The following AK5 variants were observed in gnomAD, a reference collection of about 807,000 sequenced individuals.
AK5 encodes the protein adenylate kinase isoenzyme 5.
AK5 carries 27 observed loss-of-function variants against 69.5 expected under a neutral mutation model. That is an observed-to-expected ratio of 0.39 (90% CI 0.29 to 0.54). AK5 has a LOEUF of 0.54. Ranked by LOEUF, AK5 falls within the 20% of genes least tolerant of loss-of-function variation. AK5 has a pLI of 0.71. For missense variants in AK5, 531 were observed against 700.4 expected, an observed-to-expected ratio of 0.76 and a Z score of 2.73; for synonymous variants, 260 against 244.4, an observed-to-expected ratio of 1.06 and a Z score of -0.60.
intron 8 of AK5, among the ~76,000 whole-genome samples, chr1:77,449,011 G>A (rs1032837419): frequency 1.3e-5 from 2 of 152,222 alleles, no homozygotes; most frequent in African/African-American, 2.4e-5. Context: ...TGCAGGGGCG[G>A]GCTCTCATAG....
intron 6 of AK5, among the ~76,000 whole-genome samples, chr1:77,353,342 G>T (rs1284931016): frequency 6.6e-6 from 1 of 152,048 alleles, no homozygotes; most frequent in African/African-American, 2.4e-5. Context: ...GGCAGGCATG[G>T]TGTTCCATGC....
intron 8 of AK5, among the ~76,000 whole-genome samples, chr1:77,423,656 C>T (rs894961548): frequency 5.3e-5 from 8 of 151,912 alleles, no homozygotes; most frequent in Non-Finnish European, 1.2e-4. Flanking sequence ...GCTGGAAACA[C>T]TGAACAGTGA....
At chr1:77,552,881 A>G (rs1275931981) in intron 13 of AK5, among the ~76,000 whole-genome samples, 1 of 152,144 alleles carries the variant, frequency 6.6e-6, no homozygotes, top group South Asian at 2.1e-4. Flanking sequence ...CTACAAAAAC[A>G]TACAAAAAAT....
intron 8 of AK5, among the ~76,000 whole-genome samples, chr1:77,475,601 T>G (rs1448245901): frequency 6.8e-6 from 1 of 147,186 alleles, no homozygotes; most frequent in Non-Finnish European, 1.5e-5. Flanking sequence ...CCTGTATATA[T>G]GTATGGCACC....
At chr1:77,386,358 A>T (rs1648027684) in intron 6 of AK5, among the ~76,000 whole-genome samples, 1 of 152,160 alleles carries the variant, frequency 6.6e-6, no homozygotes, top group South Asian at 2.1e-4. Context: ...GGTGGAGATG[A>T]TGTAGGCTTC....
chr1:77,518,838 C>A, intron 11 of AK5, 111 bp downstream of exon 11: 1 of 1,090,324 alleles, frequency 9.2e-7, no homozygotes, highest in Non-Finnish European at 1.3e-6. Context: ...GAAACAATAG[C>A]TGTATATTAT....
At chr1:77,375,527 G>A (rs1308040145) in intron 6 of AK5, among the ~76,000 whole-genome samples, 2 of 152,048 alleles carry the variant, frequency 1.3e-5, no homozygotes, top group African/African-American at 4.8e-5. Flanking sequence ...TTCTCCTTGG[G>A]CTTTGTTAAA....
intron 8 of AK5, among the ~76,000 whole-genome samples, chr1:77,444,393 AG>A: frequency 2.2e-5 from 2 of 89,450 alleles, no homozygotes; most frequent in African/African-American, 9.6e-5. Context: ...TAGTATATAT[AG>A]TATAAATATA....
chr1:77,430,143 C>A (rs75750893), intron 8 of AK5, among the ~76,000 whole-genome samples: 118 of 144,272 alleles, frequency 8.2e-4, no homozygotes, highest in Non-Finnish European at 1.3e-3. Context: ...AAAAAAAAAA[C>A]AAAAAAACAA....
rs369637748 is a variant in AK5, at chr1:77,320,121, G to A, written c.700-20256G>A. ...AAGAAAGGCACCTTTTTCACAGGGC[G>A]GCAGGAAGAAGTGCTGAGCAAAGTG... is the stretch of plus-strand genomic sequence containing the variant. On this transcript the variant is annotated intron_variant, in intron 5 of 13. Transcript: ENST00000354567. Among the ~76,000 whole-genome samples, 6 of 152,126 alleles carry A rather than the reference G, an allele frequency of 3.9e-5. No individual in the cohort carries two copies. The East Asian group carries it at 9.6e-4, about 24-fold the overall frequency.
chr1:77,404,306 G>A (rs1295259664), intron 6 of AK5, among the ~76,000 whole-genome samples: 1 of 152,046 alleles, frequency 6.6e-6, no homozygotes, highest in East Asian at 1.9e-4. Flanking sequence ...CAGCATCCCT[G>A]GCAAGTAGCC....
intron 8 of AK5, among the ~76,000 whole-genome samples, chr1:77,471,192 A>T (rs1048885972): frequency 1.3e-5 from 2 of 151,670 alleles, no homozygotes; most frequent in African/African-American, 4.8e-5. Context: ...TAGAAGACAT[A>T]TTTTTTAAAG....
chr1:77,391,195 G>T (rs1321030505), intron 6 of AK5, among the ~76,000 whole-genome samples: 1 of 151,810 alleles, frequency 6.6e-6, no homozygotes, highest in East Asian at 1.9e-4. Context: ...GGGCAGGTAG[G>T]ATGATTATGG....
intron 5 of AK5, among the ~76,000 whole-genome samples, chr1:77,335,100 G>A (rs1227176360): frequency 1.3e-5 from 2 of 152,230 alleles, no homozygotes; most frequent in African/African-American, 2.4e-5. Context: ...ATAAAGAATA[G>A]GGCAGTCAAA....
chr1:77,296,827 T>C (rs149773777), intron 3 of AK5, among the ~76,000 whole-genome samples: 198 of 152,310 alleles, frequency 1.3e-3, no homozygotes, highest in Admixed American at 0.01. Flanking sequence ...GACAAAGAGA[T>C]AGAGATCTAG....
intron 10 of AK5, among the ~76,000 whole-genome samples, chr1:77,494,502 A>C (rs1394128585): frequency 6.6e-6 from 1 of 152,146 alleles, no homozygotes; most frequent in African/African-American, 2.4e-5. Flanking sequence ...CCCTTGGGCC[A>C]ACCCCTTATC....
intron 6 of AK5, among the ~76,000 whole-genome samples, chr1:77,368,253 AATATATATGT>A (rs1557535638): frequency 1.0e-4 from 4 of 38,648 alleles, no homozygotes; most frequent in South Asian, 1.7e-3. Flanking sequence ...ATATATATAT[AATATATATGT>A]TATATATATG....
At chr1:77,471,828 A>G (rs1337820719) in intron 8 of AK5, among the ~76,000 whole-genome samples, 2 of 152,236 alleles carry the variant, frequency 1.3e-5, no homozygotes, top group Non-Finnish European at 2.9e-5. Context: ...TAAGATTGCC[A>G]GTTTCAGTAT....
chr1:77,335,289 A>G (rs939369280), intron 5 of AK5, among the ~76,000 whole-genome samples: 1 of 152,216 alleles, frequency 6.6e-6, no homozygotes, highest in Non-Finnish European at 1.5e-5. Flanking sequence ...GAAAGAAGAA[A>G]AAAAGACTGA....
Sources: gnomAD v4.1 joint callset for allele counts (sites outside exome capture counted in the v4.1 genomes callset) on GRCh38, gnomAD v4.1.1 for gene constraint, MANE v1.5 for transcripts, NCBI Gene and HGNC (gene_info 2026-07-23, HGNC 2026-07-21) for gene names.